The following REPS1 variants were observed in gnomAD, a reference collection of about 807,000 sequenced individuals.
REPS1 encodes the protein ralBP1-associated Eps domain-containing protein 1.
REPS1 carries 39 observed loss-of-function variants against 100.9 expected under a neutral mutation model. That is an observed-to-expected ratio of 0.39 (90% CI 0.30 to 0.50). The LOEUF is 0.50. Among genes scored for constraint, REPS1 ranks in the 20% least tolerant of loss-of-function variants. REPS1 has a pLI of 0.86. For synonymous variants in REPS1, 324 were observed against 340.3 expected (o/e 0.95, Z 0.53); for missense variants, 821 against 968.5 (o/e 0.85, Z 2.02).
In REPS1 at chr6:138,904,227, T is replaced by A. The variant is rs1459020334; in HGVS notation, c.*837A>T. The A allele has an allele frequency of 6.6e-6, 1 of 152,120 alleles. No homozygotes were observed. Among genetic ancestry groups the A allele is most frequent in the Non-Finnish European group, 1.5e-5 (1 of 67,994 alleles). 9.4% of individuals were successfully genotyped at this position (152,120 alleles called of 1,614,324 possible). A position where few individuals can be genotyped will look rare whatever the true frequency, so the allele number is the denominator to read the frequency against. On this transcript the variant is annotated 3_prime_UTR_variant, in exon 20 of 20. Coordinates refer to ENST00000450536, the MANE Select transcript of REPS1 (RefSeq NM_001286611.2). The stretch of plus-strand genomic sequence containing the variant: ...GAATAAGGCATACTCCAGAAACTCA[T>A]TAATAGGAAAAACTTGTCTGTATAG...
chr6:138,973,533 A>G (rs191332554), intron 1 of REPS1, among the ~76,000 whole-genome samples: 12 of 137,710 alleles, frequency 8.7e-5, no homozygotes, highest in Admixed American at 7.8e-4. Flanking sequence ...CAAAGTCTGA[A>G]TAAGAAAACA....
At chr6:138,940,191 A>G (rs2128469782) in intron 8 of REPS1, among the ~76,000 whole-genome samples, 1 of 152,334 alleles carries the variant, frequency 6.6e-6, no homozygotes, top group East Asian at 1.9e-4. Context: ...ACTAAGTCAG[A>G]CCATGTATAT....
At position 138,908,803 on chromosome 6, in the gene REPS1, G is replaced by A. The variant is rs1466015815; in HGVS notation, c.2081C>T (p.Thr694Ile). The change falls in exon 18 of 20, where the codon ACA (threonine) becomes ATA (isoleucine). Residue 694 changes from threonine to isoleucine, a missense_variant. Around this residue, in one of 3 missense-constraint regions of REPS1, gnomAD observed 757 missense variants for 866.4 expected, o/e 0.87. Coordinates refer to ENST00000450536, the MANE Select transcript of REPS1 (RefSeq NM_001286611.2). ...SAPANVSKGT[T>I]PLAPPPKPVR... ...AGGTTTAGGTGGTGGAGCAAGTGGT[G>A]TTGTGCCTTTGCTCTTTAAGACAAG... The A allele has an allele frequency of 6.2e-7, 1 of 1,613,474 alleles. No homozygotes were observed. Among genetic ancestry groups the A allele is most frequent in the Non-Finnish European group, 8.5e-7 (1 of 1,179,866 alleles).
chr6:138,920,686 T>C (rs373075789), intron 11 of REPS1, among the ~76,000 whole-genome samples: 82 of 152,292 alleles, frequency 5.4e-4, no homozygotes, highest in African/African-American at 1.9e-3. Context: ...AATGAGACAT[T>C]CCAAGAGTTC....
chr6:138,965,515 T>C (rs1783969754), intron 1 of REPS1, among the ~76,000 whole-genome samples: 1 of 152,144 alleles, frequency 6.6e-6, no homozygotes, highest in Non-Finnish European at 1.5e-5. Context: ...ATGGAGATAG[T>C]CCAATAAAAT....
intron 1 of REPS1, among the ~76,000 whole-genome samples, chr6:138,967,699 C>T (rs1346220161): frequency 6.6e-6 from 1 of 152,128 alleles, no homozygotes; most frequent in Non-Finnish European, 1.5e-5. Context: ...CATCACTAAA[C>T]ACACTCCATC....
chr6:138,968,205 T>C (rs1784121807), intron 1 of REPS1, among the ~76,000 whole-genome samples: 1 of 152,160 alleles, frequency 6.6e-6, no homozygotes, highest in African/African-American at 2.4e-5. Context: ...TGTACTTGCT[T>C]GATGGTGGTA....
chr6:138,914,868 TTTGTTA>T, intron 14 of REPS1, 107 bp from the exon 15 acceptor site: 1 of 1,002,304 alleles, frequency 1.0e-6, no homozygotes, highest in South Asian at 1.5e-5. Flanking sequence ...TCTAAGAATG[TTTGTTA>T]AGTATTAGAA....
chr6:138,920,914 A>G, intron 11 of REPS1, 123 bp downstream of exon 11: 1 of 683,410 alleles, frequency 1.5e-6, no homozygotes, highest in East Asian at 2.7e-5. Flanking sequence ...ATGAACATAT[A>G]CATAATTGTA....
intron 1 of REPS1, among the ~76,000 whole-genome samples, chr6:138,969,321 C>G (rs1269898275): frequency 2.4e-5 from 3 of 124,506 alleles, no homozygotes; most frequent in Non-Finnish European, 5.0e-5. Flanking sequence ...CTCTGTCTCC[C>G]AGGTCTGTCT....
Position 138,912,926 on chromosome 6 carries a change from G to C in REPS1, c.1810C>G (p.Pro604Ala). Residue 604 changes from proline (P) to alanine (A), a missense_variant, in exon 16 of 20, where the codon CCA (proline) becomes GCA (alanine). Pro to Ala is a conservative substitution (Grantham distance 27). Transcript: ENST00000450536. ...SQAPGPAVHR[P>A]VDADGLITHT... ...GTTATGAGGCCATCGGCATCCACTG[G>C]GCGATGCACAGCAGGACCAGGAGCC... The C allele has an allele frequency of 6.2e-7, 1 of 1,613,976 alleles. No individual in the cohort carries two copies. The highest frequency in any genetic ancestry group is 8.5e-7 in the Non-Finnish European group (1 of 1,179,906).
At chr6:138,937,522 A>T (rs995210680) in intron 8 of REPS1, among the ~76,000 whole-genome samples, 9 of 127,670 alleles carry the variant, frequency 7.0e-5, no homozygotes. Context: ...TCTCTGGCTT[A>T]AAAAAAATTC....
intron 19 of REPS1, among the ~76,000 whole-genome samples, chr6:138,906,616 AG>A (rs1779670488): frequency 6.6e-6 from 1 of 152,244 alleles, no homozygotes; most frequent in African/African-American, 2.4e-5. Context: ...ATGCTAAATG[AG>A]GAGCATGAAC....
At chr6:138,975,950 G>T (rs1313073024) in intron 1 of REPS1, among the ~76,000 whole-genome samples, 1 of 152,162 alleles carries the variant, frequency 6.6e-6, no homozygotes, top group Non-Finnish European at 1.5e-5. Flanking sequence ...GCACTAACTG[G>T]AGATTCAAAA....
intron 1 of REPS1, among the ~76,000 whole-genome samples, chr6:138,984,491 G>A (rs528640425): frequency 6.6e-6 from 1 of 152,262 alleles, no homozygotes; most frequent in African/African-American, 2.4e-5. Context: ...GCTGTCCTGT[G>A]CACTGCAGGA....
intron 10 of REPS1, among the ~76,000 whole-genome samples, chr6:138,925,111 C>A (rs943706334): frequency 6.6e-6 from 1 of 151,774 alleles, no homozygotes; most frequent in Non-Finnish European, 1.5e-5. Flanking sequence ...TTTGGGAGGC[C>A]GAGGTGGGTG....
chr6:138,949,983 A>C (rs1176786702), intron 1 of REPS1, among the ~76,000 whole-genome samples: 1 of 152,210 alleles, frequency 6.6e-6, no homozygotes, highest in Non-Finnish European at 1.5e-5. Context: ...TTGGTGATAC[A>C]GAATTTTCCA....
intron 8 of REPS1, among the ~76,000 whole-genome samples, chr6:138,930,948 A>T (rs979206069): frequency 6.6e-6 from 1 of 152,212 alleles, no homozygotes; most frequent in Admixed American, 6.5e-5. Flanking sequence ...GTTAAGCTTA[A>T]TTTAAAATAA....
chr6:138,952,887 G>A (rs1394661083), intron 1 of REPS1, among the ~76,000 whole-genome samples: 1 of 151,006 alleles, frequency 6.6e-6, no homozygotes, highest in African/African-American at 2.4e-5. Flanking sequence ...ACCCAGGCTG[G>A]AGTGCAATGG....
Sources: allele counts gnomAD v4.1 joint callset (sites outside exome capture counted in the v4.1 genomes callset), GRCh38; gene constraint gnomAD v4.1.1; regional missense constraint gnomAD v4.1.1; transcripts MANE v1.5; gene names NCBI Gene and HGNC (gene_info 2026-07-23, HGNC 2026-07-21).